STAT1: variants seen among roughly 807,000 people sequenced by gnomAD.
STAT1 encodes the protein signal transducer and activator of transcription 1.
In STAT1, 24 loss-of-function variants were observed where a neutral mutation model predicts 111.7. The ratio of observed to expected loss-of-function variants is 0.21; its 90% CI spans 0.16 to 0.30. The LOEUF (loss-of-function observed/expected upper bound fraction) is 0.30. STAT1 is among the 10% of genes least tolerant of loss of function. The pLI, the probability that STAT1 is intolerant of heterozygous loss-of-function variation, is 1.00. For missense variants in STAT1, 351 were observed against 911.9 expected (o/e 0.38, Z 7.92); for synonymous variants, 332 against 326.5 (o/e 1.02, Z -0.18).
chr2:191,006,085 T>C lies in STAT1; in HGVS notation c.372+1478A>G, dbSNP rs1694666055. Among the ~76,000 whole-genome samples the C allele has an allele frequency of 1.3e-5, 2 of 152,274 alleles. No individual in the cohort carries two copies. Among genetic ancestry groups the C allele is most frequent in the South Asian group, 4.1e-4 (2 of 4,838 alleles). On this transcript the variant is annotated intron_variant, in intron 5 of 24. Transcript: ENST00000361099. The surrounding 1 kb of genome is among the most constrained non-coding windows in gnomAD (Gnocchi z 4.6). ...TGGGCCAAGGGGCCAAATGTGAGGATGACATGCTTGCAGCTGGGGGAAACA... is the reference window on the plus strand; with the variant it reads ...TGGGCCAAGGGGCCAAATGTGAGGACGACATGCTTGCAGCTGGGGGAAACA...
At position 190,974,965 on chromosome 2, in the gene STAT1, A is replaced by G. The variant is rs1691790282; in HGVS notation, c.2136-33T>C. 3 of 1,498,002 alleles carry G rather than the reference A, an allele frequency of 2.0e-6. No homozygotes were observed. Among genetic ancestry groups the G allele is most frequent in the African/African-American group, 2.8e-5 (2 of 72,612 alleles). 92.8% of individuals were successfully genotyped at this position (1,498,002 alleles called of 1,614,324 possible). ...GGGGAAAAAGAAAAGAGCAATGTCA[A>G]CATCTGAGTGATGAAAGCACTAGTG... On this transcript the variant is annotated intron_variant, in intron 23 of 24. Transcript: ENST00000361099. This position sits in a 1 kb window ranked among gnomAD's most constrained non-coding sequence, Gnocchi z 4.8.
In STAT1 at chr2:190,972,324, A is replaced by G. The variant is rs889964511; in HGVS notation, c.2239-1607T>C. Among the ~76,000 whole-genome samples, 4 of 152,362 alleles carry G rather than the reference A, an allele frequency of 2.6e-5. No homozygotes were observed. In the South Asian group the frequency reaches 6.2e-4, roughly 24 times the overall value. Reference sequence around the variant, plus strand: ...AGCTTTGGCTAAAGGCCTCTTGGAGAGTAGACTGGTTCTATTACAGTCCCA... The same window carrying G: ...AGCTTTGGCTAAAGGCCTCTTGGAGGGTAGACTGGTTCTATTACAGTCCCA... On this transcript the variant is annotated intron_variant, in intron 24 of 24. Coordinates refer to ENST00000361099, the MANE Select transcript of STAT1 (RefSeq NM_007315.4).
rs143277094 is a variant in STAT1 at position 190,981,373 on chromosome 2, T to C, written c.1583-704A>G. Reference sequence around the variant, plus strand: ...TAGGACATGGGCTCAGGCAGTCTGATGCAAATCAAAAACCAAGTGAGAGAA... The same window carrying C: ...TAGGACATGGGCTCAGGCAGTCTGACGCAAATCAAAAACCAAGTGAGAGAA... On this transcript the variant is annotated intron_variant, in intron 18 of 24. Coordinates refer to ENST00000361099, the MANE Select transcript of STAT1 (RefSeq NM_007315.4). This position sits in a 1 kb window ranked among gnomAD's most constrained non-coding sequence, Gnocchi z 4.1. Among the ~76,000 whole-genome samples, 322 of 152,328 alleles carry C rather than the reference T, an allele frequency of 2.1e-3. 1 individual carries two copies. The highest frequency in any genetic ancestry group is 7.6e-3 in the African/African-American group (314 of 41,572).
chr2:191,010,193 T>G (rs775765484), intron 2 of STAT1, among the ~76,000 whole-genome samples, 189 bp from the exon 3 acceptor site: 2 of 152,200 alleles, frequency 1.3e-5, no homozygotes, highest in Non-Finnish European at 1.5e-5. Flanking sequence ...GGGGATGAAC[T>G]TTTTTTCTCC....
At position 190,993,714 on chromosome 2, in the gene STAT1, G is replaced by A. The variant is rs371329742; in HGVS notation, c.944+1347C>T. On this transcript the variant is annotated intron_variant, in intron 10 of 24. Coordinates refer to ENST00000361099, the MANE Select transcript of STAT1 (RefSeq NM_007315.4). This position sits in a 1 kb window ranked among gnomAD's most constrained non-coding sequence, Gnocchi z 4.1. ...CTTCCCCGACTCTGCCCCCTGGAAC[G>A]CAATCAGCAGCCGCTGCCACTCAGC... The A allele has an allele frequency of 3.8e-4, 143 of 380,146 alleles. No individual in the cohort carries two copies. The highest frequency in any genetic ancestry group is 3.2e-3 in the South Asian group (136 of 42,358). The allele number at this position is 380,146 out of a possible 1,614,324, so 23.5% of individuals were successfully genotyped here.
chr2:190,975,695 G>T lies in STAT1; in HGVS notation c.2135+117C>A. 1 of 1,538,916 alleles carries T rather than the reference G, an allele frequency of 6.5e-7. No individual in the cohort carries two copies. The highest frequency in any genetic ancestry group is 8.8e-7 in the Non-Finnish European group (1 of 1,142,780). ...CACGGGGATCTCAACAAGTTCAGCTGTGATGGCGATAGCAATTACAATGGA... is the reference window on the plus strand; with the variant it reads ...CACGGGGATCTCAACAAGTTCAGCTTTGATGGCGATAGCAATTACAATGGA... On this transcript the variant is annotated intron_variant, in intron 23 of 24. Transcript: ENST00000361099. The surrounding 1 kb of genome is among the most constrained non-coding windows in gnomAD (Gnocchi z 5.9).
At position 190,974,781 on chromosome 2, in the gene STAT1, A is replaced by C; in HGVS notation, c.2238+49T>G. ...TGCCATGGTGCGCTCCCTGCCTCTGAGCACACACACTTATTGAGAGCTACA... is the reference window on the plus strand; with the variant it reads ...TGCCATGGTGCGCTCCCTGCCTCTGCGCACACACACTTATTGAGAGCTACA... On this transcript the variant is annotated intron_variant, in intron 24 of 24. Coordinates refer to ENST00000361099, the MANE Select transcript of STAT1 (RefSeq NM_007315.4). The surrounding 1 kb of genome is among the most constrained non-coding windows in gnomAD (Gnocchi z 4.8). 6.6e-7 allele frequency: 1 copy of C among 1,522,818 alleles called. No homozygotes were observed. Among genetic ancestry groups the C allele is most frequent in the South Asian group, 1.1e-5 (1 of 89,282 alleles). 94.3% of individuals were successfully genotyped at this position (1,522,818 alleles called of 1,614,324 possible).
Position 191,013,689 on chromosome 2 carries a change from A to T in STAT1, c.-155-11T>A, listed in dbSNP as rs886055381. The T allele has an allele frequency of 4.8e-5, 19 of 398,662 alleles. No homozygotes were observed. Among genetic ancestry groups the T allele is most frequent in the Non-Finnish European group, 7.1e-5 (16 of 226,146 alleles). 24.7% of individuals were successfully genotyped at this position (398,662 alleles called of 1,614,324 possible). A position where few individuals can be genotyped will look rare whatever the true frequency, so the allele number is the denominator to read the frequency against. Reference sequence around the variant, plus strand: ...AGCAAATGAAACTTTCTGCGAAAAGAAGAAAACGTGACTGATGGAAAGGGG... The same window carrying T: ...AGCAAATGAAACTTTCTGCGAAAAGTAGAAAACGTGACTGATGGAAAGGGG... On this transcript the variant is annotated splice_polypyrimidine_tract_variant and intron_variant, in intron 1 of 24. Transcript: ENST00000361099.
chr2:190,972,187 G>A (rs111549588), intron 24 of STAT1, among the ~76,000 whole-genome samples: 14 of 152,322 alleles, frequency 9.2e-5, no homozygotes, highest in African/African-American at 3.4e-4. Flanking sequence ...TCTATCAAAA[G>A]GGGATTAATA....
chr2:190,972,005 G>A (rs998767897), intron 24 of STAT1, among the ~76,000 whole-genome samples: 9 of 152,102 alleles, frequency 5.9e-5, no homozygotes, highest in African/African-American at 1.4e-4. Context: ...GAGCCACCGC[G>A]CCCGGCCTGG....
At position 190,983,222 on chromosome 2, in the gene STAT1, G is replaced by A. The variant is rs764427610; in HGVS notation, c.1446+420C>T. On this transcript the variant is annotated intron_variant, in intron 17 of 24. Transcript: ENST00000361099. The surrounding 1 kb of genome is among the most constrained non-coding windows in gnomAD (Gnocchi z 5.7). ...CAGAGGCTTGAAGGAACCTAGCCTCGTAGTTCCCTTAGGAGCAACAATTCA... is the reference window on the plus strand; with the variant it reads ...CAGAGGCTTGAAGGAACCTAGCCTCATAGTTCCCTTAGGAGCAACAATTCA... 5.3e-5 allele frequency among the ~76,000 whole-genome samples: 8 copies of A among 152,284 alleles called. No homozygotes were observed. The highest frequency in any genetic ancestry group is 2.6e-4 in the Admixed American group (4 of 15,296).
In STAT1 at chr2:190,998,442, T is replaced by C; in HGVS notation, c.542-134A>G. ...GTCAAAGTTTGGCTTTCTTCGATCT[T>C]TAATGAACATGAAAAAAAGTCCTAA... On this transcript the variant is annotated intron_variant, in intron 7 of 24. Transcript: ENST00000361099. This position sits in a 1 kb window ranked among gnomAD's most constrained non-coding sequence, Gnocchi z 4.1. 2 of 734,198 alleles carry C rather than the reference T, an allele frequency of 2.7e-6. No individual in the cohort carries two copies. Among genetic ancestry groups the C allele is most frequent in the Non-Finnish European group, 4.8e-6 (2 of 419,634 alleles). 45.5% of individuals were successfully genotyped at this position (734,198 alleles called of 1,614,324 possible). A position where few individuals can be genotyped will look rare whatever the true frequency, so the allele number is the denominator to read the frequency against.
In STAT1 at chr2:191,006,310, G is replaced by A. The variant is rs542005048; in HGVS notation, c.372+1253C>T. Among the ~76,000 whole-genome samples the A allele has an allele frequency of 3.9e-5, 6 of 152,304 alleles. No homozygotes were observed. The highest frequency in any genetic ancestry group is 1.2e-4 in the African/African-American group (5 of 41,568). ...CAACCTGGCCAGCTTCTCCTCCAGC[G>A]TTGATATACACCTTTGTTCCCTAGG... On this transcript the variant is annotated intron_variant, in intron 5 of 24. Coordinates refer to ENST00000361099, the MANE Select transcript of STAT1 (RefSeq NM_007315.4). This position sits in a 1 kb window ranked among gnomAD's most constrained non-coding sequence, Gnocchi z 4.6.
chr2:190,978,713 C>A lies in STAT1; in HGVS notation c.1873+143G>T. 2 of 1,024,324 alleles carry A rather than the reference C, an allele frequency of 2.0e-6. No homozygotes were observed. The highest frequency in any genetic ancestry group is 1.4e-5 in the South Asian group (1 of 72,162). 63.5% of individuals were successfully genotyped at this position (1,024,324 alleles called of 1,614,324 possible). A position where few individuals can be genotyped will look rare whatever the true frequency, so the allele number is the denominator to read the frequency against. On this transcript the variant is annotated intron_variant, in intron 21 of 24. Transcript: ENST00000361099. This position sits in a 1 kb window ranked among gnomAD's most constrained non-coding sequence, Gnocchi z 6.1. ...AAACATTTGTGGTGGTTTATTAAAT[C>A]CTATCGGGGGCTCATTTGGGGTAAG...
rs766636931 is a variant in STAT1 at position 190,979,011 on chromosome 2, G to A, written c.1728-10C>T. The A allele has an allele frequency of 1.3e-5, 21 of 1,614,010 alleles. No homozygotes were observed. The Admixed American group carries it at 2.5e-4, about 19-fold the overall frequency. ...GAAGCCCATGATGCACCTGGATATC[G>A]AAGAGATGGACGGATGGGCTTTTAG... On this transcript the variant is annotated splice_polypyrimidine_tract_variant and intron_variant, in intron 20 of 24. Transcript: ENST00000361099. The surrounding 1 kb of genome is among the most constrained non-coding windows in gnomAD (Gnocchi z 5.8).
intron 10 of STAT1, 100 bp from the exon 11 acceptor site, chr2:190,991,420 G>C (rs1023038056): frequency 1.9e-6 from 2 of 1,066,384 alleles, no homozygotes; most frequent in African/African-American, 1.6e-5. Flanking sequence ...TAGAGAGTAC[G>C]ATCTAAAAAA....
chr2:191,010,431 T>G (rs1238278593), intron 2 of STAT1: 1 of 470,044 alleles, frequency 2.1e-6, no homozygotes, highest in African/African-American at 2.0e-5. Flanking sequence ...GGTGGAGGAT[T>G]CTGTGCACTG....
In STAT1 at chr2:190,973,780, A is replaced by G. The variant is rs761428444; in HGVS notation, c.2238+1050T>C. Among the ~76,000 whole-genome samples the G allele has an allele frequency of 1.3e-5, 2 of 152,186 alleles. No individual in the cohort carries two copies. Among genetic ancestry groups the G allele is most frequent in the Non-Finnish European group, 2.9e-5 (2 of 68,024 alleles). ...GCCTATTTCGTCAACAACAATCAGG[A>G]AAGTGTAGGAAGGTACAATCTCTAA... On this transcript the variant is annotated intron_variant, in intron 24 of 24. Coordinates refer to ENST00000361099, the MANE Select transcript of STAT1 (RefSeq NM_007315.4). This position sits in a 1 kb window ranked among gnomAD's most constrained non-coding sequence, Gnocchi z 4.4.
rs1694119799 is a variant in STAT1, at chr2:190,999,717, A to C, written c.463-13T>G. The C allele has an allele frequency of 1.3e-6, 2 of 1,595,396 alleles. No individual in the cohort carries two copies. The highest frequency in any genetic ancestry group is 1.7e-6 in the Non-Finnish European group (2 of 1,163,268). ...CATGCTCTATACACTACAAACAAAG[A>C]TGTAAACATGTTTTCTACTGATCAG... On this transcript the variant is annotated splice_polypyrimidine_tract_variant and intron_variant, in intron 6 of 24. Coordinates refer to ENST00000361099, the MANE Select transcript of STAT1 (RefSeq NM_007315.4). This position sits in a 1 kb window ranked among gnomAD's most constrained non-coding sequence, Gnocchi z 4.1.
Sources: gnomAD v4.1 joint callset for allele counts (sites outside exome capture counted in the v4.1 genomes callset) on GRCh38, gnomAD v4.1.1 for gene constraint, Gnocchi (gnomAD v3.1) non-coding constraint, MANE v1.5 for transcripts, NCBI Gene and HGNC (gene_info 2026-07-23, HGNC 2026-07-21) for gene names.